The following CROCC2 variants were observed in gnomAD, a reference collection of about 807,000 sequenced individuals.
CROCC2 encodes the protein ciliary rootlet coiled-coil, rootletin family member 2.
A neutral mutation model predicts 177.6 loss-of-function variants in CROCC2; 163 were observed. The ratio of observed to expected loss-of-function variants is 0.92; its 90% CI spans 0.81 to 1.05. The LOEUF is 1.05. CROCC2 is among the 50% of genes least tolerant of loss of function. The pLI, the probability that CROCC2 is intolerant of heterozygous loss-of-function variation, is 0.00. For synonymous variants in CROCC2, 904 were observed against 787.3 expected, an observed-to-expected ratio of 1.15 and a Z score of -2.48; for missense variants, 1,929 against 1,797.8, an observed-to-expected ratio of 1.07 and a Z score of -1.32.
chr2:240,920,302 G>T (rs1255047180), intron 3 of CROCC2, among the ~76,000 whole-genome samples, 168 bp downstream of exon 3: 1 of 152,212 alleles, frequency 6.6e-6, no homozygotes, highest in African/African-American at 2.4e-5. Flanking sequence ...AACAGACAGG[G>T]AAACTGAGGC....
At position 240,949,599 on chromosome 2, in the gene CROCC2, G is replaced by A. The variant is rs544973531; in HGVS notation, c.2549G>A (p.Arg850Gln). ...ATGAAGCTGCGGCAGGACACGGTGC[G>A]GCTCCAGCGACAGGTGGCACAGCAG... ...QEMKLRQDTV[R>Q]LQRQVAQQER... The change falls in exon 17 of 32, where the codon CGG becomes CAG. Residue 850 changes from arginine to glutamine, a missense_variant. Coordinates refer to ENST00000690015, the MANE Select transcript of CROCC2 (RefSeq NM_001351305.2). The surrounding 1 kb of genome is among the most constrained non-coding windows in gnomAD (Gnocchi z 4.5). The A allele has an allele frequency of 2.1e-5, 32 of 1,550,470 alleles. No homozygotes were observed. Among genetic ancestry groups the A allele is most frequent in the Middle Eastern group, 1.7e-4 (1 of 6,012 alleles).
intron 29 of CROCC2, 72 bp from the exon 30 acceptor site, chr2:240,989,582 G>A (rs1353623446): frequency 2.1e-6 from 3 of 1,421,406 alleles, no homozygotes; most frequent in African/African-American, 2.8e-5. Context: ...ACACCCTGTG[G>A]CACTCCTGCC....
chr2:240,959,226 G>A (rs1424577894), intron 19 of CROCC2, 75 bp from the exon 20 acceptor site: 3 of 1,475,724 alleles, frequency 2.0e-6, no homozygotes, highest in Non-Finnish European at 2.7e-6. Flanking sequence ...CTCTCTCCAG[G>A]GTCCTGGCCT....
At chr2:240,911,478 A>C (rs2059287962) in intron 1 of CROCC2, among the ~76,000 whole-genome samples, 1 of 152,022 alleles carries the variant, frequency 6.6e-6, no homozygotes, top group Admixed American at 6.5e-5. Context: ...TTGTATTTTC[A>C]GTGGAGACGA....
intron 27 of CROCC2, among the ~76,000 whole-genome samples, chr2:240,968,633 G>A (rs966270397): frequency 7.2e-5 from 11 of 152,244 alleles, no homozygotes; most frequent in Non-Finnish European, 1.3e-4. Flanking sequence ...GCAGGCATGG[G>A]GCGGCCCTGG....
chr2:240,949,200 G>T lies in CROCC2; in HGVS notation c.2482+103G>T. ...ACACGTGCTGCACCCCCTCTCCGGA[G>T]CCCACAGGGGCATGAACATGAGCTT... On this transcript the variant is annotated intron_variant, in intron 16 of 31. Transcript: ENST00000690015. The surrounding 1 kb of genome is among the most constrained non-coding windows in gnomAD (Gnocchi z 4.5). The T allele has an allele frequency of 6.9e-7, 1 of 1,442,288 alleles. No individual in the cohort carries two copies. Among genetic ancestry groups the T allele is most frequent in the South Asian group, 1.5e-5 (1 of 67,450 alleles). The allele number at this position is 1,442,288 out of a possible 1,614,324, so 89.3% of individuals were successfully genotyped here. A position where few individuals can be genotyped will look rare whatever the true frequency, so the allele number is the denominator to read the frequency against.
At position 240,916,803 on chromosome 2, in the gene CROCC2, T is replaced by C. The variant is rs146897254; in HGVS notation, c.79-1923T>C. ...GAGGGCGGGGCAGAGCCCTTCCCAGTCTGGGGGATTGAGCGGAGCATGACG... is the reference window on the plus strand; with the variant it reads ...GAGGGCGGGGCAGAGCCCTTCCCAGCCTGGGGGATTGAGCGGAGCATGACG... On this transcript the variant is annotated intron_variant, in intron 1 of 31. Transcript: ENST00000690015. Among the ~76,000 whole-genome samples the C allele has an allele frequency of 9.1e-3, 1,386 of 152,150 alleles. 11 individuals are homozygous for C. The highest frequency in any genetic ancestry group is 0.03 in the African/African-American group (1,264 of 41,522).
In CROCC2 at chr2:240,950,423, T is replaced by C. The variant is rs2059547033; in HGVS notation, c.2742T>C (p.Ala914=). The C allele has an allele frequency of 1.7e-5, 27 of 1,550,026 alleles. No individual in the cohort carries two copies. Among genetic ancestry groups the C allele is most frequent in the Admixed American group, 2.0e-5 (1 of 50,948 alleles). ...QEKELVTKSA[A]EREALKGEIQ... ...AGGAGCTGGTGACAAAAAGTGCAGCTGAGAGGGAGGCTCTGAAGGGGGAAA... is the reference window on the plus strand; with the variant it reads ...AGGAGCTGGTGACAAAAAGTGCAGCCGAGAGGGAGGCTCTGAAGGGGGAAA... The change falls in exon 18 of 32, where the codon GCT becomes GCC. Residue 914 remains alanine, a synonymous_variant. Coordinates refer to ENST00000690015, the MANE Select transcript of CROCC2 (RefSeq NM_001351305.2).
intron 28 of CROCC2, chr2:240,983,656 G>A (rs2059817595): frequency 1.6e-6 from 2 of 1,265,566 alleles, no homozygotes; most frequent in Non-Finnish European, 2.1e-6. Flanking sequence ...TGGGAGAGGC[G>A]CTGGCCCACG....
At position 240,966,280 on chromosome 2, in the gene CROCC2, G is replaced by T; in HGVS notation, c.4017G>T (p.Arg1339Ser). The change falls in exon 25 of 32, where the codon AGG (arginine) becomes AGT (serine). Residue 1339 changes from arginine to serine, a missense_variant. Arg to Ser is a moderately radical substitution (Grantham distance 110). Around this residue, in one of 3 missense-constraint regions of CROCC2, gnomAD observed 388 missense variants for 352.7 expected, o/e 1.10. Coordinates refer to ENST00000690015, the MANE Select transcript of CROCC2 (RefSeq NM_001351305.2). The stretch of plus-strand genomic sequence containing the variant: ...AACAGGGTACCAGCCCCCCAGCCAG[G>T]CCCCACTCGCCCCTCCGATGGCCCT... ...PGQQGTSPPA[R>S]PHSPLRWPSP... 2.1e-6 allele frequency: 1 copy of T among 485,598 alleles called. No individual in the cohort carries two copies. The highest frequency in any genetic ancestry group is 3.0e-4 in the Middle Eastern group (1 of 3,374). The allele number at this position is 485,598 out of a possible 1,614,324, so 30.1% of individuals were successfully genotyped here.
chr2:240,981,231 C>T (rs2059796966), intron 27 of CROCC2, among the ~76,000 whole-genome samples: 1 of 151,474 alleles, frequency 6.6e-6, no homozygotes, highest in Non-Finnish European at 1.5e-5. Flanking sequence ...CTCATCCCTG[C>T]TCAGTCTCTG....
At chr2:240,932,452 T>C (rs972882480) in intron 8 of CROCC2, 38 bp downstream of exon 8, 11 of 716,778 alleles carry the variant, frequency 1.5e-5, no homozygotes, top group Non-Finnish European at 2.9e-5. Flanking sequence ...GTGGCAGGGG[T>C]CTGTCACCCT....
In CROCC2 at chr2:240,959,412, C is replaced by T; in HGVS notation, c.3055C>T (p.Leu1019=). 1.9e-6 allele frequency: 3 copies of T among 1,550,456 alleles called. No individual in the cohort carries two copies. The highest frequency in any genetic ancestry group is 2.4e-5 in the South Asian group (2 of 84,042). The change falls in exon 20 of 32, where the codon CTA becomes TTA. Residue 1019 remains leucine, a synonymous_variant. Transcript: ENST00000690015. The part of the protein sequence containing the change: ...TTALRESLQD[L]AAERGDVERE... ...GGCCCTACGCGAGAGCCTCCAGGACCTAGCGGCTGAGCGGGGCGATGTGGA... is the reference window on the plus strand; with the variant it reads ...GGCCCTACGCGAGAGCCTCCAGGACTTAGCGGCTGAGCGGGGCGATGTGGA...
In CROCC2 at chr2:240,959,193, C is replaced by T. The variant is rs983782795; in HGVS notation, c.2944-108C>T. The T allele has an allele frequency of 7.7e-6, 10 of 1,303,298 alleles. No individual in the cohort carries two copies. In the Admixed American group the frequency reaches 2.4e-4, roughly 31 times the overall value. 80.7% of individuals were successfully genotyped at this position (1,303,298 alleles called of 1,614,324 possible). On this transcript the variant is annotated intron_variant, in intron 19 of 31. Transcript: ENST00000690015. The stretch of plus-strand genomic sequence containing the variant: ...GCACGATCAGCAGGACCCGGCTCCC[C>T]CTCCCAGGCCACTGCAACACCTCTC...
At chr2:240,986,088 T>C in intron 28 of CROCC2, 1 of 387,604 alleles carries the variant, frequency 2.6e-6, no homozygotes, top group South Asian at 1.9e-5. Context: ...TTCTACAGCA[T>C]GCGTTGTTTA....
At chr2:240,928,266 T>C (rs868160225) in intron 5 of CROCC2, among the ~76,000 whole-genome samples, 5 of 152,246 alleles carry the variant, frequency 3.3e-5, no homozygotes, top group Non-Finnish European at 4.4e-5. Context: ...TGGGGCCACA[T>C]TGAAGTACAT....
intron 14 of CROCC2, among the ~76,000 whole-genome samples, chr2:240,944,425 A>G (rs1490875466): frequency 6.6e-6 from 1 of 152,156 alleles, no homozygotes; most frequent in Non-Finnish European, 1.5e-5. Context: ...TGAGGCTGTA[A>G]TTACACATAT....
rs569622165 is a variant in CROCC2 at position 240,945,790 on chromosome 2, A to G, written c.2170-270A>G. Among the ~76,000 whole-genome samples the G allele has an allele frequency of 6.6e-5, 10 of 151,960 alleles. No homozygotes were observed. The South Asian group carries it at 1.9e-3, about 29-fold the overall frequency. On this transcript the variant is annotated intron_variant, in intron 14 of 31. Coordinates refer to ENST00000690015, the MANE Select transcript of CROCC2 (RefSeq NM_001351305.2). ...CCCCTGGACACTGGAGGACCAACAA[A>G]TGGTACCATTTAGATTGACAGTTGG...
Position 240,947,071 on chromosome 2 carries a change from T to C in CROCC2, c.2363+818T>C, listed in dbSNP as rs1038004775. ...AACAGCTGATGGCTTCTGTGCCTTATAGGCCCTGCTTAGGGCCCTGCTCAG... is the reference window on the plus strand; with the variant it reads ...AACAGCTGATGGCTTCTGTGCCTTACAGGCCCTGCTTAGGGCCCTGCTCAG... On this transcript the variant is annotated intron_variant, in intron 15 of 31. Transcript: ENST00000690015. 4.6e-5 allele frequency among the ~76,000 whole-genome samples: 7 copies of C among 152,286 alleles called. 1 individual carries two copies. In the South Asian group the frequency reaches 8.3e-4, roughly 18 times the overall value.
Sources: gnomAD v4.1 joint callset for allele counts (sites outside exome capture counted in the v4.1 genomes callset) on GRCh38, gnomAD v4.1.1 for gene constraint, gnomAD v4.1.1 regional missense constraint, Gnocchi (gnomAD v3.1) non-coding constraint, MANE v1.5 for transcripts, NCBI Gene and HGNC (gene_info 2026-07-23, HGNC 2026-07-21) for gene names.